Variants in RUNX1T1 observed in about 807,000 individuals in gnomAD.
The protein encoded by RUNX1T1 is RUNX1 partner transcriptional co-repressor 1.
A neutral mutation model predicts 62.8 loss-of-function variants in RUNX1T1; 4 were observed. That is an observed-to-expected ratio of 0.06 (90% CI 0.03 to 0.15). RUNX1T1 has a LOEUF of 0.15. Among genes scored for constraint, RUNX1T1 ranks in the 10% least tolerant of loss-of-function variants. The probability of loss-of-function intolerance (pLI) is 1.00; values close to 1 mark genes in which losing one functional copy is unlikely to be tolerated. For missense variants in RUNX1T1, 508 were observed against 754.3 expected (o/e 0.67, Z 3.82); for synonymous variants, 291 against 286.0 (o/e 1.02, Z -0.18).
intron 1 of RUNX1T1, among the ~76,000 whole-genome samples, chr8:92,077,406 C>T (rs76855329): frequency 7.2e-5 from 11 of 151,924 alleles, no homozygotes; most frequent in Admixed American, 3.9e-4. Flanking sequence ...TATATGTACA[C>T]GTATAGGTTG....
intron 8 of RUNX1T1, among the ~76,000 whole-genome samples, chr8:91,981,843 C>T (rs1815353395): frequency 6.6e-6 from 1 of 152,148 alleles, no homozygotes; most frequent in South Asian, 2.1e-4. Context: ...TCTAAATTTA[C>T]TACCATGTCA....
intron 2 of RUNX1T1, chr8:92,071,106 T>C (rs536330752): frequency 3.9e-5 from 6 of 152,362 alleles, no homozygotes; most frequent in Admixed American, 3.9e-4. Context: ...TGTGCAAATA[T>C]TATTTCTCAC....
At chr8:92,062,489 G>T (rs571981962) in intron 1 of RUNX1T1, 3 of 1,575,766 alleles carry the variant, frequency 1.9e-6, no homozygotes, top group African/African-American at 2.7e-5. Flanking sequence ...ATGCATAATA[G>T]AAAGTAAGCT....
Position 92,050,306 on chromosome 8 carries a change from T to C in RUNX1T1, c.7+12240A>G, listed in dbSNP as rs76025369. On this transcript the variant is annotated intron_variant, in intron 1 of 10. Transcript: ENST00000396218. ...CTACAGATGTTAAGTGCTACTATCA[T>C]GGTAATATTTGAAGTGTTTTATTAA... 3.4e-3 allele frequency among the ~76,000 whole-genome samples: 512 copies of C among 152,312 alleles called. 3 individuals carry two copies. Among genetic ancestry groups the C allele is most frequent in the African/African-American group, 0.012 (495 of 41,570 alleles).
chr8:91,985,999 A>G, intron 8 of RUNX1T1, 125 bp downstream of exon 9: 3 of 743,986 alleles, frequency 4.0e-6, no homozygotes, highest in Non-Finnish European at 7.1e-6. Flanking sequence ...ATATTGGAGG[A>G]TATGTAAATT....
rs1586815715 is a variant in RUNX1T1 at position 91,983,329 on chromosome 8, G to T, written c.1198+2795C>A. On this transcript the variant is annotated intron_variant, in intron 8 of 10. Transcript: ENST00000396218. ...TACTACAGATATATTTCAAAAGTGA[G>T]AATGGGATTGAGTTTAACAGGTACA... Among the ~76,000 whole-genome samples, 4 of 152,216 alleles carry T rather than the reference G, an allele frequency of 2.6e-5. No individual in the cohort carries two copies. The East Asian group carries it at 7.7e-4, about 29-fold the overall frequency.
intron 6 of RUNX1T1, among the ~76,000 whole-genome samples, chr8:91,987,983 C>G (rs963569727): frequency 6.6e-6 from 1 of 151,922 alleles, no homozygotes; most frequent in Non-Finnish European, 1.5e-5. Flanking sequence ...AACTGGGCTT[C>G]CTCTCGTGGA....
At chr8:92,037,584 T>A (rs1827659781) in intron 1 of RUNX1T1, among the ~76,000 whole-genome samples, 1 of 152,232 alleles carries the variant, frequency 6.6e-6, no homozygotes, top group Non-Finnish European at 1.5e-5. Flanking sequence ...GTGGCTAATG[T>A]GGGAGGACTG....
At chr8:92,076,003 C>T (rs1315344315) in exon 2 of RUNX1T1, 2 of 1,611,568 alleles carry the variant, frequency 1.2e-6, no homozygotes, top group South Asian at 2.2e-5. Flanking sequence ...CCGGCAGTCA[C>T]CTATTACTAA....
chr8:91,996,927 G>A (rs1373866925), intron 5 of RUNX1T1, among the ~76,000 whole-genome samples: 4 of 150,662 alleles, frequency 2.7e-5, no homozygotes, highest in African/African-American at 9.8e-5. Flanking sequence ...CTTGAGACCA[G>A]CCTGGCCGAC....
upstream of RUNX1T1, among the ~76,000 whole-genome samples, chr8:92,063,834 C>T (rs1309090697): frequency 2.6e-5 from 4 of 152,166 alleles, no homozygotes; most frequent in Admixed American, 2.0e-4. Context: ...AGGTAGCTGC[C>T]TCAGGCTTTA....
At chr8:92,027,965 G>A (rs557653501) in intron 1 of RUNX1T1, among the ~76,000 whole-genome samples, 1 of 151,516 alleles carries the variant, frequency 6.6e-6, no homozygotes, top group East Asian at 2.0e-4. Flanking sequence ...CATAATGTCA[G>A]CTTCGTGAAC....
At chr8:92,095,519 G>C in intron 1 of RUNX1T1, 1 of 1,502,012 alleles carries the variant, frequency 6.7e-7, no homozygotes, top group Non-Finnish European at 8.9e-7. Flanking sequence ...AAGCCAACGT[G>C]CATCAGGGTG....
At chr8:92,032,318 C>T (rs1826417528) in intron 1 of RUNX1T1, among the ~76,000 whole-genome samples, 1 of 151,990 alleles carries the variant, frequency 6.6e-6, no homozygotes, top group African/African-American at 2.4e-5. Context: ...CAAGCAACTA[C>T]TAGACAGACA....
chr8:91,987,045 A>T (rs1325951388), intron 6 of RUNX1T1, 73 bp from the exon 8 acceptor site: 11 of 991,524 alleles, frequency 1.1e-5, no homozygotes, highest in Non-Finnish European at 1.8e-5. Context: ...GACTCATAGC[A>T]AGGACTATGT....
intron 5 of RUNX1T1, among the ~76,000 whole-genome samples, chr8:91,992,217 T>A (rs1817819076): frequency 6.6e-6 from 1 of 152,140 alleles, no homozygotes; most frequent in Admixed American, 6.5e-5. Flanking sequence ...CAGTGCTTGA[T>A]TTCTAACAAG....
intron 10 of RUNX1T1, among the ~76,000 whole-genome samples, chr8:91,963,953 A>G (rs994490946): frequency 1.3e-5 from 2 of 152,212 alleles, no homozygotes; most frequent in Non-Finnish European, 1.5e-5. Context: ...GGCACTTTAT[A>G]GTATTCCTTT....
At position 92,012,487 on chromosome 8, in the gene RUNX1T1, C is replaced by T. The variant is rs557601046; in HGVS notation, c.388-1396G>A. Among the ~76,000 whole-genome samples the T allele has an allele frequency of 4.6e-5, 7 of 151,742 alleles. No homozygotes were observed. In the South Asian group the frequency reaches 6.3e-4, roughly 14 times the overall value. On this transcript the variant is annotated intron_variant, in intron 3 of 10. Transcript: ENST00000396218. ...AGGCTGCGGTGAGCCTTGCTGGCAC[C>T]GATGCGAATGCATTGGGTGACAGAG... is the stretch of plus-strand genomic sequence containing the variant.
chr8:92,005,477 T>C lies in RUNX1T1; in HGVS notation c.478-180A>G, dbSNP rs568650629. On this transcript the variant is annotated intron_variant, in intron 4 of 10. Transcript: ENST00000396218. The stretch of plus-strand genomic sequence containing the variant: ...AGCACTGGGCTACCATGTGCGCAGA[T>C]TGCCCTAAGTGTGAGGTGACTGACC... The C allele has an allele frequency of 3.7e-4, 213 of 570,248 alleles. 2 individuals carry two copies. Among genetic ancestry groups the C allele is most frequent in the African/African-American group, 3.7e-3 (192 of 51,972 alleles). 35.3% of individuals were successfully genotyped at this position (570,248 alleles called of 1,614,324 possible). A position where few individuals can be genotyped will look rare whatever the true frequency, so the allele number is the denominator to read the frequency against.
Sources: gnomAD v4.1 joint callset for allele counts (sites outside exome capture counted in the v4.1 genomes callset) on GRCh38, gnomAD v4.1.1 for gene constraint, MANE v1.5 for transcripts, NCBI Gene and HGNC (gene_info 2026-07-23, HGNC 2026-07-21) for gene names.